The following TMC5 variants were observed in gnomAD, a reference collection of about 807,000 sequenced individuals.
TMC5 encodes transmembrane channel like 5.
Under a neutral mutation model 110.5 loss-of-function variants are expected in TMC5, and 86 were observed. The ratio of observed to expected loss-of-function variants is 0.78; its 90% CI spans 0.65 to 0.93. The LOEUF (loss-of-function observed/expected upper bound fraction) is 0.93. TMC5 is among the 40% of genes least tolerant of loss of function. The pLI, the probability that TMC5 is intolerant of heterozygous loss-of-function variation, is 0.00. For synonymous variants in TMC5, 455 were observed against 439.5 expected (o/e 1.04, Z -0.44); for missense variants, 1,144 against 1,222.8 (o/e 0.94, Z 0.96).
At chr16:19,433,000 CATATA>C (rs1322592596) in intron 2 of TMC5, among the ~76,000 whole-genome samples, 4 of 151,450 alleles carry the variant, frequency 2.6e-5, no homozygotes, top group South Asian at 2.1e-4. Context: ...TGTGTATATA[CATATA>C]ATATACACAT....
intron 1 of TMC5, among the ~76,000 whole-genome samples, chr16:19,420,528 A>G (rs1019132426): frequency 3.3e-5 from 5 of 152,194 alleles, no homozygotes; most frequent in Non-Finnish European, 7.3e-5. Context: ...TGGCATGATC[A>G]TAGTGCACTG....
chr16:19,428,581 A>AT (rs1426041146), intron 1 of TMC5, among the ~76,000 whole-genome samples: 3 of 152,080 alleles, frequency 2.0e-5, no homozygotes, highest in Non-Finnish European at 4.4e-5. Context: ...TCCTTGAAGG[A>AT]TTTTTTGCCA....
intron 20 of TMC5, among the ~76,000 whole-genome samples, chr16:19,496,810 A>G (rs1195742814): frequency 6.7e-6 from 1 of 149,860 alleles, no homozygotes; most frequent in Non-Finnish European, 1.5e-5. Context: ...AAATCGCTGG[A>G]ACCCGAGAGG....
intron 4 of TMC5, 143 bp downstream of exon 4, chr16:19,444,393 G>T (rs1419324632): frequency 1.5e-5 from 11 of 722,594 alleles, no homozygotes; most frequent in Middle Eastern, 4.0e-4. Context: ...ACATACAAAA[G>T]TTGAGAATTC....
At chr16:19,420,012 A>T (rs967082318) in intron 1 of TMC5, among the ~76,000 whole-genome samples, 3 of 152,048 alleles carry the variant, frequency 2.0e-5, no homozygotes, top group Non-Finnish European at 4.4e-5. Context: ...ATTTATAGGG[A>T]GTGTAGTGGT....
chr16:19,493,934 G>A (rs1968983362), intron 19 of TMC5, among the ~76,000 whole-genome samples: 1 of 151,956 alleles, frequency 6.6e-6, no homozygotes, highest in Admixed American at 6.6e-5. Flanking sequence ...GTGCCTATGG[G>A]GGATACTGGA....
At chr16:19,473,963 C>T (rs1597205358) in intron 11 of TMC5, among the ~76,000 whole-genome samples, 162 bp from the exon 12 acceptor site, 1 of 151,774 alleles carries the variant, frequency 6.6e-6, no homozygotes, top group African/African-American at 2.4e-5. Flanking sequence ...CTGGGCAACA[C>T]GGTGAGACTC....
At chr16:19,460,455 C>T in intron 6 of TMC5, 121 bp downstream of exon 6, 2 of 654,488 alleles carry the variant, frequency 3.1e-6, no homozygotes, top group Non-Finnish European at 5.1e-6. Flanking sequence ...ATATTCCTGA[C>T]AGAAAAATTT....
intron 2 of TMC5, among the ~76,000 whole-genome samples, chr16:19,434,682 C>T (rs968793006): frequency 6.6e-6 from 1 of 151,862 alleles, no homozygotes; most frequent in Admixed American, 6.6e-5. Flanking sequence ...TGTGTACTCA[C>T]TCCTATCTCT....
In TMC5 at chr16:19,477,482, C is replaced by T. The variant is rs987638905; in HGVS notation, c.2133C>T (p.Tyr711=). 3 of 1,612,836 alleles carry T rather than the reference C, an allele frequency of 1.9e-6. No individual in the cohort carries two copies. The highest frequency in any genetic ancestry group is 2.2e-5 in the South Asian group (2 of 90,856). ...TATCAATCATTGGCATTCTTTGTTACTATTGGCTCAACACCGTGGCCCTGT... is the reference window on the plus strand; with the variant it reads ...TATCAATCATTGGCATTCTTTGTTATTATTGGCTCAACACCGTGGCCCTGT... ...LKISIIGILC[Y]YWLNTVALSG... is the part of the protein sequence containing the mutation. The change falls in exon 13 of 22, where the codon TAC becomes TAT. Residue 711 remains tyrosine, a synonymous_variant. Coordinates refer to ENST00000542583, the MANE Select transcript of TMC5 (RefSeq NM_001261841.2).
Position 19,493,965 on chromosome 16 carries a change from G to C in TMC5, c.2827-297G>C, listed in dbSNP as rs115796564. Among the ~76,000 whole-genome samples, 3,030 of 152,124 alleles carry C rather than the reference G, an allele frequency of 0.02. 113 individuals are homozygous for C. Among genetic ancestry groups the C allele is most frequent in the African/African-American group, 0.069 (2,871 of 41,504 alleles). On this transcript the variant is annotated intron_variant, in intron 19 of 21. Coordinates refer to ENST00000542583, the MANE Select transcript of TMC5 (RefSeq NM_001261841.2). The stretch of plus-strand genomic sequence containing the variant: ...CTGGAAACCATTTTTCCTGGGTATT[G>C]AGACGTGGCATGTAAGTTGCTTCCA...
chr16:19,441,103 G>C (rs1435096376), intron 3 of TMC5, among the ~76,000 whole-genome samples: 1 of 151,634 alleles, frequency 6.6e-6, no homozygotes, highest in Non-Finnish European at 1.5e-5. Context: ...ATCCCTGTAA[G>C]ACATCTAGAT....
At chr16:19,454,145 T>TCC (rs1967813408) in intron 5 of TMC5, among the ~76,000 whole-genome samples, 1 of 152,154 alleles carries the variant, frequency 6.6e-6, no homozygotes, top group East Asian at 1.9e-4. Flanking sequence ...CCTCCTGAGT[T>TCC]CAAGCAATTC....
chr16:19,491,312 G>T (rs999680682), intron 18 of TMC5, among the ~76,000 whole-genome samples: 1 of 151,820 alleles, frequency 6.6e-6, no homozygotes, highest in Non-Finnish European at 1.5e-5. Context: ...GCCCAAGCTT[G>T]CATTGATAGT....
At chr16:19,431,936 GA>G (rs1027838908) in intron 2 of TMC5, among the ~76,000 whole-genome samples, 1 of 152,126 alleles carries the variant, frequency 6.6e-6, no homozygotes, top group African/African-American at 2.4e-5. Flanking sequence ...ATGAATTTTT[GA>G]ATTGCTCCCA....
At position 19,440,745 on chromosome 16, in the gene TMC5, G is replaced by A; in HGVS notation, c.707G>A (p.Ser236Asn). 1.2e-6 allele frequency: 2 copies of A among 1,614,172 alleles called. No individual in the cohort carries two copies. The highest frequency in any genetic ancestry group is 1.7e-6 in the Non-Finnish European group (2 of 1,180,040). The change falls in exon 3 of 22, where the codon AGC (serine) becomes AAC (asparagine). Residue 236 changes from serine (S) to asparagine (N), a missense_variant. Ser to Asn is a conservative substitution (Grantham distance 46). Coordinates refer to ENST00000542583, the MANE Select transcript of TMC5 (RefSeq NM_001261841.2). ...PSAEDNQNLPSTWREPDYSDA... is the reference protein window; with the variant it reads ...PSAEDNQNLPNTWREPDYSDA... ...GCTGAGGACAATCAGAACTTGCCAA[G>A]CACTTGGAGAGAACCTGATTATTCA...
chr16:19,454,109 G>T (rs1296086535), intron 5 of TMC5, among the ~76,000 whole-genome samples: 3 of 151,996 alleles, frequency 2.0e-5, no homozygotes, highest in African/African-American at 7.3e-5. Context: ...GTGGAGTGGA[G>T]TGACCTCGGC....
chr16:19,437,714 T>C (rs569998062), intron 2 of TMC5, among the ~76,000 whole-genome samples: 1 of 152,332 alleles, frequency 6.6e-6, no homozygotes, highest in East Asian at 1.9e-4. Context: ...ATTTTCCTTC[T>C]CATCCTTTCC....
At chr16:19,451,433 C>A (rs1490706401) in intron 5 of TMC5, among the ~76,000 whole-genome samples, 1 of 152,168 alleles carries the variant, frequency 6.6e-6, no homozygotes, top group South Asian at 2.1e-4. Flanking sequence ...TTGGTCCCCA[C>A]TGGGGCACAG....
Sources: allele counts gnomAD v4.1 joint callset (sites outside exome capture counted in the v4.1 genomes callset), GRCh38; gene constraint gnomAD v4.1.1; transcripts MANE v1.5; gene names NCBI Gene and HGNC (gene_info 2026-07-23, HGNC 2026-07-21).